Variants in MBTPS1 observed in about 807,000 individuals in gnomAD.
MBTPS1 encodes membrane-bound transcription factor site-1 protease.
Under a neutral mutation model 127.8 loss-of-function variants are expected in MBTPS1, and 94 were observed. The observed-to-expected ratio is 0.74, with a 90% CI of 0.62 to 0.87. The LOEUF is 0.87. Among genes scored for constraint, MBTPS1 ranks in the 40% least tolerant of loss-of-function variants. The pLI is 0.00. For missense variants in MBTPS1, 1,636 were observed against 1,353.2 expected, an observed-to-expected ratio of 1.21 and a Z score of -3.28; for synonymous variants, 632 against 509.4, an observed-to-expected ratio of 1.24 and a Z score of -3.24.
intron 1 of MBTPS1, among the ~76,000 whole-genome samples, chr16:84,109,007 C>T (rs570134242): frequency 3.3e-5 from 5 of 152,234 alleles, no homozygotes; most frequent in African/African-American, 9.6e-5. Context: ...TGCACGTGTA[C>T]GTGCTACACA....
chr16:84,088,522 C>G (rs1471083036), intron 8 of MBTPS1, among the ~76,000 whole-genome samples: 1 of 152,168 alleles, frequency 6.6e-6, no homozygotes, highest in Non-Finnish European at 1.5e-5. Flanking sequence ...CAAAAAAATA[C>G]CACCTTCCCA....
Position 84,093,601 on chromosome 16 carries a change from A to C in MBTPS1, c.736+110T>G, listed in dbSNP as rs7204693. The C allele has an allele frequency of 5.1e-4, 425 of 827,480 alleles. 2 individuals carry two copies. The African/African-American group carries it at 6.3e-3, about 12-fold the overall frequency. 51.3% of individuals were successfully genotyped at this position (827,480 alleles called of 1,614,324 possible). ...CAGTTTCTGCCACAACAAAAAGCACAATAACACCTTGGGCTTGTCTGAATA... is the reference window on the plus strand; with the variant it reads ...CAGTTTCTGCCACAACAAAAAGCACCATAACACCTTGGGCTTGTCTGAATA... On this transcript the variant is annotated intron_variant, in intron 5 of 22. Transcript: ENST00000343411.
At chr16:84,061,673 G>A (rs2085616325) in intron 19 of MBTPS1, 1 of 149,674 alleles carries the variant, frequency 6.7e-6, no homozygotes, top group South Asian at 2.1e-4. Context: ...CACTGGAAGT[G>A]TGACAGCAGA....
At chr16:84,080,455 C>T (rs935999862) in intron 11 of MBTPS1, among the ~76,000 whole-genome samples, 10 of 152,350 alleles carry the variant, frequency 6.6e-5, no homozygotes, top group South Asian at 4.1e-4. Context: ...AAAGGAAACA[C>T]GGGCTGCACA....
At chr16:84,060,411 G>A (rs866353400) in intron 20 of MBTPS1, 3 of 377,204 alleles carry the variant, frequency 8.0e-6, no homozygotes, top group Middle Eastern at 7.6e-4. Context: ...AGAGCGGGAC[G>A]GTAAACACAC....
intron 11 of MBTPS1, among the ~76,000 whole-genome samples, chr16:84,077,069 T>C (rs376838384): frequency 1.3e-5 from 2 of 151,330 alleles, no homozygotes; most frequent in East Asian, 1.9e-4. Context: ...CTACTAAAAA[T>C]AGAAAAATTA....
chr16:84,074,149 A>C (rs17725963), intron 12 of MBTPS1, among the ~76,000 whole-genome samples: 38,938 of 152,156 alleles, frequency 0.26, 5,315 homozygotes, highest in East Asian at 0.39. Context: ...GGTTTCATTA[A>C]TTTATACCCT....
chr16:84,081,766 T>C lies in MBTPS1; in HGVS notation c.1429A>G (p.Ser477Gly). 7.0e-7 allele frequency: 1 copy of C among 1,434,838 alleles called. No individual in the cohort carries two copies. Among genetic ancestry groups the C allele is most frequent in the Non-Finnish European group, 9.2e-7 (1 of 1,085,260 alleles). The allele number at this position is 1,434,838 out of a possible 1,614,324, so 88.9% of individuals were successfully genotyped here. A position where few individuals can be genotyped will look rare whatever the true frequency, so the allele number is the denominator to read the frequency against. ...DLLRAYQILN[S>G]YKPQASLSPS... is the part of the protein sequence containing the mutation. ...ACTGACCTTGCCTGTGGCTTGTAGC[T>C]GTTGAGGATCTGATAGGCTCTGAGC... is the stretch of plus-strand genomic sequence containing the variant. Residue 477 changes from serine (S) to glycine (G), a missense_variant, in exon 11 of 23, where the codon AGC becomes GGC. Ser to Gly is a moderately conservative substitution (Grantham distance 56). Coordinates refer to ENST00000343411, the MANE Select transcript of MBTPS1 (RefSeq NM_003791.4).
intron 15 of MBTPS1, among the ~76,000 whole-genome samples, chr16:84,068,075 A>C (rs577172829): frequency 4.6e-5 from 7 of 152,358 alleles, no homozygotes; most frequent in African/African-American, 1.4e-4. Context: ...AGAAGGAGCA[A>C]AATATATAGC....
chr16:84,064,865 G>A (rs1597307867), intron 18 of MBTPS1, among the ~76,000 whole-genome samples: 2 of 152,288 alleles, frequency 1.3e-5, no homozygotes, highest in South Asian at 2.1e-4. Flanking sequence ...TATTCCAGTT[G>A]CAAGTAGATA....
chr16:84,099,418 C>T (rs2086224192), intron 2 of MBTPS1, 108 bp from the exon 3 acceptor site: 4 of 1,096,862 alleles, frequency 3.6e-6, no homozygotes, highest in Non-Finnish European at 5.1e-6. Context: ...ATCTTAAAGC[C>T]CACAGCAGAC....
intron 1 of MBTPS1, chr16:84,109,420 C>G (rs1266377695): frequency 2.0e-5 from 3 of 152,148 alleles, no homozygotes; most frequent in African/African-American, 7.2e-5. Flanking sequence ...CAACTGCCAA[C>G]AAAATATCTC....
chr16:84,066,227 G>A (rs2085681332), intron 17 of MBTPS1, among the ~76,000 whole-genome samples: 1 of 152,160 alleles, frequency 6.6e-6, no homozygotes, highest in African/African-American at 2.4e-5. Flanking sequence ...CTGTGAGGTA[G>A]TTCCTATTTG....
rs1029151410 is a variant in MBTPS1 at position 84,059,608 on chromosome 16, A to G, written c.2705-180T>C. 18 of 520,628 alleles carry G rather than the reference A, an allele frequency of 3.5e-5. No homozygotes were observed. In the South Asian group the frequency reaches 3.7e-4, roughly 11 times the overall value. 32.3% of individuals were successfully genotyped at this position (520,628 alleles called of 1,614,324 possible). On this transcript the variant is annotated intron_variant, in intron 20 of 22. Transcript: ENST00000343411. ...GCCACGCCTGATTGGTTCCTCCCGG[A>G]CAATGTGTGTTTCCATTGCTGAAGG...
rs376793835 is a variant in MBTPS1, at chr16:84,068,369, G to A, written c.2041C>T (p.Pro681Ser). The change falls in exon 15 of 23, where the codon CCC becomes TCC. Residue 681 changes from proline (P) to serine (S), a missense_variant. Physicochemically the swap from Pro to Ser is moderately conservative, Grantham distance 74. Transcript: ENST00000343411. ...MGYFVEVLGA[P>S]FTCFDASQYG... Reference sequence around the variant, plus strand: ...TGACTGGCATCAAAACACGTGAAGGGGGCCCCGAGGACCTCTACAAAGTAG... The same window carrying A: ...TGACTGGCATCAAAACACGTGAAGGAGGCCCCGAGGACCTCTACAAAGTAG... 7 of 1,614,002 alleles carry A rather than the reference G, an allele frequency of 4.3e-6. No individual in the cohort carries two copies. In the African/African-American group the frequency reaches 8.0e-5, roughly 18 times the overall value.
chr16:84,088,400 G>C (rs1215363099), intron 8 of MBTPS1, among the ~76,000 whole-genome samples: 3 of 151,540 alleles, frequency 2.0e-5, no homozygotes, highest in Admixed American at 6.6e-5. Context: ...TCATTCAGAG[G>C]AACGAATAAT....
chr16:84,094,473 G>A (rs1367442031), intron 4 of MBTPS1, among the ~76,000 whole-genome samples: 3 of 152,166 alleles, frequency 2.0e-5, no homozygotes, highest in African/African-American at 4.8e-5. Context: ...ACACCAATGT[G>A]AAATACAACT....
chr16:84,093,715 G>A lies in MBTPS1; in HGVS notation c.732C>T (p.Asp244=), dbSNP rs577719378. The change falls in exon 5 of 23, where the codon GAC becomes GAT. Residue 244 remains aspartate (D), a synonymous_variant. Coordinates refer to ENST00000343411, the MANE Select transcript of MBTPS1 (RefSeq NM_003791.4). ...CTCACTGCTGCTGAGACCCACCATC[G>A]TCCAGCGTTCGCTCGTTGGTCCAGT... ...RTNWTNERTL[D]DGLGHGTFVA... The A allele has an allele frequency of 1.2e-5, 19 of 1,610,656 alleles. No individual in the cohort carries two copies. Among genetic ancestry groups the A allele is most frequent in the East Asian group, 8.9e-5 (4 of 44,848 alleles).
chr16:84,104,017 G>A (rs886880945), intron 1 of MBTPS1, among the ~76,000 whole-genome samples: 2 of 152,204 alleles, frequency 1.3e-5, no homozygotes, highest in Non-Finnish European at 2.9e-5. Context: ...AGTTTGCTCA[G>A]GAGTAAGCCC....
Sources: allele counts gnomAD v4.1 joint callset (sites outside exome capture counted in the v4.1 genomes callset), GRCh38; gene constraint gnomAD v4.1.1; transcripts MANE v1.5; gene names NCBI Gene and HGNC (gene_info 2026-07-23, HGNC 2026-07-21).